The following UGT3A1 variants were observed in gnomAD, a reference collection of about 807,000 sequenced individuals.
UGT3A1 encodes UDP-glycosyltransferase 3A1.
A neutral mutation model predicts 37.6 loss-of-function variants in UGT3A1; 40 were observed. The ratio of observed to expected loss-of-function variants is 1.06; its 90% CI spans 0.83 to 1.38. The LOEUF (loss-of-function observed/expected upper bound fraction) is 1.38, where lower values mean the gene tolerates loss of function less well. Ranked by LOEUF, UGT3A1 falls within the 40% of genes most tolerant of loss-of-function variation. The pLI, the probability that UGT3A1 is intolerant of heterozygous loss-of-function variation, is 0.00. For missense variants in UGT3A1, 642 were observed against 634.2 expected (o/e 1.01, Z -0.13); for synonymous variants, 256 against 232.3 (o/e 1.10, Z -0.93).
At chr5:35,956,117 T>C (rs1739346701) in intron 5 of UGT3A1, among the ~76,000 whole-genome samples, 1 of 152,204 alleles carries the variant, frequency 6.6e-6, no homozygotes, top group African/African-American at 2.4e-5. Context: ...GAGAGAAGAA[T>C]GATAAGCAAG....
At position 35,955,767 on chromosome 5, in the gene UGT3A1, A is replaced by G. The variant is rs1243978033; in HGVS notation, c.1173T>C (p.Asn391=). ...GGACCATGTTTCCATGCTGGTCTCC[A>G]TTGACTGGTAATCCCACCATGGGCA... ...HGVPMVGLPV[N]GDQHGNMVRV... Residue 391 remains asparagine, a synonymous_variant, in exon 6 of 7, where the codon AAT becomes AAC. Transcript: ENST00000274278. 6.2e-7 allele frequency: 1 copy of G among 1,614,208 alleles called. No individual in the cohort carries two copies. Among genetic ancestry groups the G allele is most frequent in the Non-Finnish European group, 8.5e-7 (1 of 1,180,032 alleles).
chr5:35,979,776 C>T (rs1336176176), intron 2 of UGT3A1, among the ~76,000 whole-genome samples: 1 of 152,136 alleles, frequency 6.6e-6, no homozygotes, highest in Non-Finnish European at 1.5e-5. Context: ...TAAAGACATA[C>T]CTGAGACTGG....
At chr5:35,985,841 G>C (rs1740708247) in intron 2 of UGT3A1, among the ~76,000 whole-genome samples, 1 of 152,062 alleles carries the variant, frequency 6.6e-6, no homozygotes, top group African/African-American at 2.4e-5. Flanking sequence ...GGCAATCAAA[G>C]CAAAAATAGA....
chr5:35,965,266 A>C, intron 4 of UGT3A1, 120 bp downstream of exon 4: 2 of 1,441,294 alleles, frequency 1.4e-6, no homozygotes, highest in Non-Finnish European at 1.9e-6. Flanking sequence ...AACGTGCCCT[A>C]GGTGCCTCCT....
intron 2 of UGT3A1, among the ~76,000 whole-genome samples, chr5:35,986,694 G>C (rs1477790348): frequency 6.6e-6 from 1 of 152,092 alleles, no homozygotes; most frequent in Admixed American, 6.5e-5. Context: ...AGGGGATATG[G>C]ATAGAGGTTG....
At chr5:35,965,253 A>T in intron 4 of UGT3A1, 133 bp downstream of exon 4, 1 of 1,366,328 alleles carries the variant, frequency 7.3e-7, no homozygotes, top group Non-Finnish European at 9.9e-7. Context: ...CACTTCCTTT[A>T]AGAACGTGCC....
In UGT3A1 at chr5:35,957,429, G is replaced by A. The variant is rs776238590; in HGVS notation, c.844-10C>T. 4 of 1,610,336 alleles carry A rather than the reference G, an allele frequency of 2.5e-6. No homozygotes were observed. In the East Asian group the frequency reaches 6.7e-5, roughly 27 times the overall value. On this transcript the variant is annotated splice_polypyrimidine_tract_variant and intron_variant, in intron 4 of 6. Transcript: ENST00000274278. ...TGAAGTTGTCCAAGTCCTAGAGAGA[G>A]ATGACAAAAGAAAGGAGGTGGCAAA... is the stretch of plus-strand genomic sequence containing the variant.
chr5:35,955,540 G>T, intron 6 of UGT3A1, 105 bp downstream of exon 6: 1 of 1,297,100 alleles, frequency 7.7e-7, no homozygotes, highest in Non-Finnish European at 1.1e-6. Context: ...GTTATTCCAT[G>T]TCACAGAAGT....
At chr5:35,972,645 T>G (rs747222361) in intron 2 of UGT3A1, among the ~76,000 whole-genome samples, 2 of 152,040 alleles carry the variant, frequency 1.3e-5, no homozygotes, top group Non-Finnish European at 2.9e-5. Context: ...CCGATAACTC[T>G]TTTCAGTGGT....
Position 35,997,571 on chromosome 5 carries a change from C to T in UGT3A1, c.-159-242G>A, listed in dbSNP as rs7447304. Among the ~76,000 whole-genome samples the T allele has an allele frequency of 5.8e-3, 878 of 152,142 alleles. 26 individuals carry two copies. The East Asian group carries it at 0.066, about 11-fold the overall frequency. On this transcript the variant is annotated intron_variant, in intron 1 of 5. Transcript: ENST00000625798. The stretch of plus-strand genomic sequence containing the variant: ...CCTCCAGAGTAGCTGGGATTACAGG[C>T]GCCTGCCATTATGCCTGGCTAACTT...
intron 1 of UGT3A1, among the ~76,000 whole-genome samples, chr5:35,998,398 C>T (rs1445905): frequency 0.36 from 54,950 of 151,770 alleles, 10,045 homozygotes; most frequent in South Asian, 0.55. Context: ...TTATGGGTTA[C>T]CCCCTTACCA....
chr5:35,960,278 A>C (rs2149953490), intron 4 of UGT3A1, among the ~76,000 whole-genome samples: 1 of 152,374 alleles, frequency 6.6e-6, no homozygotes, highest in African/African-American at 2.4e-5. Context: ...TGATTTCAAA[A>C]CATATTACAA....
chr5:35,977,667 C>T lies in UGT3A1; in HGVS notation c.197-9534G>A, dbSNP rs185456564. Among the ~76,000 whole-genome samples, 7 of 152,346 alleles carry T rather than the reference C, an allele frequency of 4.6e-5. No individual in the cohort carries two copies. In the East Asian group the frequency reaches 1.2e-3, roughly 25 times the overall value. On this transcript the variant is annotated intron_variant, in intron 2 of 6. Transcript: ENST00000274278. ...AGATGCTGGTGCCATGCTTGTACAG[C>T]CTGCAGAACTGTGAGTCAAATAAAC...
At chr5:35,989,480 C>T (rs1308481471) in intron 1 of UGT3A1, among the ~76,000 whole-genome samples, 1 of 152,130 alleles carries the variant, frequency 6.6e-6, no homozygotes, top group Non-Finnish European at 1.5e-5. Flanking sequence ...AGAAATAGTG[C>T]GCAGCTGTCT....
exon 1 of UGT3A1, chr5:36,000,992 T>C (rs946199935): frequency 6.6e-6 from 1 of 152,180 alleles, no homozygotes; most frequent in African/African-American, 2.4e-5. Context: ...CATGCCTCTT[T>C]CCAGTGGCTC....
In UGT3A1 at chr5:35,951,543, T is replaced by C. The variant is rs1739201012; in HGVS notation, c.*2659A>G. 6.6e-6 allele frequency: 1 copy of C among 152,236 alleles called. No homozygotes were observed. Among genetic ancestry groups the C allele is most frequent in the South Asian group, 2.1e-4 (1 of 4,834 alleles). The allele number at this position is 152,236 out of a possible 1,614,324, so 9.4% of individuals were successfully genotyped here. A position where few individuals can be genotyped will look rare whatever the true frequency, so the allele number is the denominator to read the frequency against. On this transcript the variant is annotated 3_prime_UTR_variant, in exon 7 of 7. Transcript: ENST00000274278. ...GCTGAATATTATTTCAGTATGTATA[T>C]GTATCATAGGTTCTTTCTTCAATTT... is the stretch of plus-strand genomic sequence containing the variant.
At chr5:35,993,789 C>T (rs1741025258), upstream of UGT3A1, among the ~76,000 whole-genome samples, 1 of 152,250 alleles carries the variant, frequency 6.6e-6, no homozygotes, top group Admixed American at 6.5e-5. Context: ...GCTTGGGCAC[C>T]TTATAGCCCA....
At chr5:35,999,375 C>T (rs1271821393) in intron 1 of UGT3A1, among the ~76,000 whole-genome samples, 1 of 152,046 alleles carries the variant, frequency 6.6e-6, no homozygotes, top group African/African-American at 2.4e-5. Flanking sequence ...TGGCTGATGC[C>T]ACAGCTGAAA....
rs760733540 is a variant in UGT3A1 at position 35,991,245 on chromosome 5, A to G, written c.-5T>C. On this transcript the variant is annotated 5_prime_UTR_variant, in exon 1 of 7. Coordinates refer to ENST00000274278, the MANE Select transcript of UGT3A1 (RefSeq NM_152404.4). ...CAGCACCCGCTGCCCAACCATGCTC[A>G]CTTCCACAGAAGCAGCGGATCTCAG... is the stretch of plus-strand genomic sequence containing the variant. 6 of 1,614,182 alleles carry G rather than the reference A, an allele frequency of 3.7e-6. No individual in the cohort carries two copies. The African/African-American group carries it at 4.0e-5, about 11-fold the overall frequency.
Sources: allele counts gnomAD v4.1 joint callset (sites outside exome capture counted in the v4.1 genomes callset), GRCh38; gene constraint gnomAD v4.1.1; transcripts MANE v1.5; gene names NCBI Gene and HGNC (gene_info 2026-07-23, HGNC 2026-07-21).